SORCS3: variants seen among roughly 807,000 people sequenced by gnomAD.
SORCS3 encodes sortilin related VPS10 domain containing receptor 3, also known as VPS10 domain-containing receptor SorCS3.
SORCS3 carries 57 observed loss-of-function variants against 146.3 expected under a neutral mutation model. The observed-to-expected ratio is 0.39, with a 90% CI of 0.31 to 0.49. SORCS3 has a LOEUF of 0.49. SORCS3 is among the 20% of genes least tolerant of loss of function. The pLI is 0.92. For missense variants in SORCS3, 1,341 were observed against 1,575.5 expected (o/e 0.85, Z 2.52); for synonymous variants, 653 against 618.5 (o/e 1.06, Z -0.83).
intron 1 of SORCS3, among the ~76,000 whole-genome samples, chr10:104,712,255 T>G (rs1312240118): frequency 6.6e-6 from 1 of 152,190 alleles, no homozygotes; most frequent in African/African-American, 2.4e-5. Context: ...TTCCTTGACC[T>G]GCCTGTTGCC....
chr10:105,127,462 C>G (rs1589646369), intron 7 of SORCS3, among the ~76,000 whole-genome samples: 1 of 152,048 alleles, frequency 6.6e-6, no homozygotes, highest in East Asian at 1.9e-4. Context: ...CCAAGATGAC[C>G]TCAAGCAGCC....
rs370006550 is a variant in SORCS3 at position 104,877,153 on chromosome 10, G to A, written c.695+34294G>A. Among the ~76,000 whole-genome samples the A allele has an allele frequency of 1.1e-4, 16 of 152,168 alleles. No homozygotes were observed. In the East Asian group the frequency reaches 2.1e-3, roughly 20 times the overall value. On this transcript the variant is annotated intron_variant, in intron 2 of 26. Transcript: ENST00000369701. ...ACTGTGAGTCACAGCACCCAGCCAG[G>A]TCTTCCTCTTTTAATCACAACACCT...
rs574969718 is a variant in SORCS3 at position 104,923,935 on chromosome 10, A to G, written c.795+8003A>G. Among the ~76,000 whole-genome samples, 255 of 152,324 alleles carry G rather than the reference A, an allele frequency of 1.7e-3. 1 individual carries two copies. The highest frequency in any genetic ancestry group is 3.4e-3 in the Middle Eastern group (1 of 294). ...AGCTAGAGTTTTTTGAGAGTTTGCT[A>G]TGTGCTGAAAATTATCCTAAATGCT... is the stretch of plus-strand genomic sequence containing the variant. On this transcript the variant is annotated intron_variant, in intron 3 of 26. Coordinates refer to ENST00000369701, the MANE Select transcript of SORCS3 (RefSeq NM_014978.3).
At chr10:104,838,424 G>A (rs1477954560) in intron 1 of SORCS3, among the ~76,000 whole-genome samples, 1 of 151,904 alleles carries the variant, frequency 6.6e-6, no homozygotes, top group East Asian at 2.0e-4. Context: ...GTCGGGGTGG[G>A]CAGGCTTTCT....
Position 105,064,597 on chromosome 10 carries a change from G to A in SORCS3, c.1028+21469G>A, listed in dbSNP as rs113311194. 1.7e-3 allele frequency among the ~76,000 whole-genome samples: 256 copies of A among 151,058 alleles called. 1 individual carries two copies. The highest frequency in any genetic ancestry group is 2.3e-3 in the Admixed American group (35 of 15,134). On this transcript the variant is annotated intron_variant, in intron 5 of 26. Transcript: ENST00000369701. ...AGGCCGAAGGCTTGAGAACCTGGGC[G>A]GGGGGTTGCTGGTTGAAGTCCAGGA...
intron 1 of SORCS3, among the ~76,000 whole-genome samples, chr10:104,810,125 G>A (rs1197240928): frequency 6.6e-6 from 1 of 152,160 alleles, no homozygotes; most frequent in Non-Finnish European, 1.5e-5. Flanking sequence ...GTCATCTAGA[G>A]ATGAAATAAA....
intron 2 of SORCS3, among the ~76,000 whole-genome samples, chr10:104,863,827 T>C (rs2018431803): frequency 6.6e-6 from 1 of 152,122 alleles, no homozygotes; most frequent in Admixed American, 6.5e-5. Flanking sequence ...GATGGAGAGA[T>C]GGATATTTTG....
intron 6 of SORCS3, among the ~76,000 whole-genome samples, chr10:105,096,690 T>C (rs2055748968): frequency 6.6e-6 from 1 of 152,130 alleles, no homozygotes; most frequent in South Asian, 2.1e-4. Flanking sequence ...GTTTCCACCA[T>C]CCAAAGGGAT....
intron 4 of SORCS3, among the ~76,000 whole-genome samples, chr10:105,026,854 G>C (rs547047359): frequency 6.6e-6 from 1 of 152,108 alleles, no homozygotes; most frequent in Admixed American, 6.6e-5. Flanking sequence ...GGGACCAAGG[G>C]GTGAAAAACC....
At position 104,714,383 on chromosome 10, in the gene SORCS3, T is replaced by C. The variant is rs187325085; in HGVS notation, c.627+72429T>C. The stretch of plus-strand genomic sequence containing the variant: ...TATAGCTTTCTTATTTTCTAACATA[T>C]GCACTTAATGCTATATTTTTCCTGT... On this transcript the variant is annotated intron_variant, in intron 1 of 26. Coordinates refer to ENST00000369701, the MANE Select transcript of SORCS3 (RefSeq NM_014978.3). 1.3e-3 allele frequency among the ~76,000 whole-genome samples: 192 copies of C among 152,292 alleles called. 2 individuals carry two copies. Among genetic ancestry groups the C allele is most frequent in the Non-Finnish European group, 1.7e-3 (117 of 68,014 alleles).
chr10:104,650,642 C>T (rs930624857), intron 1 of SORCS3, among the ~76,000 whole-genome samples: 2 of 152,220 alleles, frequency 1.3e-5, no homozygotes, highest in East Asian at 3.8e-4. Flanking sequence ...CTTCCTTGCT[C>T]TCTTGTATCT....
chr10:104,772,094 C>T (rs560589631), intron 1 of SORCS3, among the ~76,000 whole-genome samples: 3 of 152,170 alleles, frequency 2.0e-5, no homozygotes, highest in South Asian at 2.1e-4. Flanking sequence ...CCAGGATGGG[C>T]GTCTTGGGTG....
chr10:105,254,901 A>T (rs1401756158), intron 23 of SORCS3, among the ~76,000 whole-genome samples: 1 of 152,166 alleles, frequency 6.6e-6, no homozygotes, highest in Admixed American at 6.5e-5. Flanking sequence ...ATAGAAGTGG[A>T]TCTGCGGCCA....
At position 104,854,098 on chromosome 10, in the gene SORCS3, G is replaced by A. The variant is rs922595662; in HGVS notation, c.695+11239G>A. ...TAGCTTTTAACTCCCAGTTTAGTTC[G>A]TGAACATTGTCTCAGCCCTGGACAC... On this transcript the variant is annotated intron_variant, in intron 2 of 26. Transcript: ENST00000369701. 5.9e-5 allele frequency among the ~76,000 whole-genome samples: 9 copies of A among 152,270 alleles called. No individual in the cohort carries two copies. The East Asian group carries it at 9.6e-4, about 16-fold the overall frequency.
intron 1 of SORCS3, among the ~76,000 whole-genome samples, chr10:104,729,887 T>C (rs1178087681): frequency 2.0e-5 from 3 of 152,222 alleles, no homozygotes; most frequent in Non-Finnish European, 4.4e-5. Context: ...CAACAGACTA[T>C]GTGTAGCTTG....
intron 1 of SORCS3, among the ~76,000 whole-genome samples, chr10:104,809,100 A>G (rs761255078): frequency 4.6e-5 from 7 of 152,254 alleles, no homozygotes; most frequent in Non-Finnish European, 8.8e-5. Flanking sequence ...GAGGTAGAAC[A>G]TGGGTTCAGT....
At position 104,882,978 on chromosome 10, in the gene SORCS3, A is replaced by G. The variant is rs115195093; in HGVS notation, c.696-32855A>G. Among the ~76,000 whole-genome samples, 1,224 of 152,344 alleles carry G rather than the reference A, an allele frequency of 8.0e-3. 15 individuals carry two copies. The highest frequency in any genetic ancestry group is 0.028 in the African/African-American group (1,161 of 41,590). On this transcript the variant is annotated intron_variant, in intron 2 of 26. Coordinates refer to ENST00000369701, the MANE Select transcript of SORCS3 (RefSeq NM_014978.3). Reference sequence around the variant, plus strand: ...TTCTGCTTTCCAGGAGACTAACATTATGGAATCACAGGGAGGAAGGACACA... The same window carrying G: ...TTCTGCTTTCCAGGAGACTAACATTGTGGAATCACAGGGAGGAAGGACACA...
At chr10:104,770,688 C>T (rs1017363109) in intron 1 of SORCS3, among the ~76,000 whole-genome samples, 1 of 151,546 alleles carries the variant, frequency 6.6e-6, no homozygotes, top group Non-Finnish European at 1.5e-5. Context: ...TATACATAGG[C>T]TGGGTGTGGT....
intron 16 of SORCS3, among the ~76,000 whole-genome samples, chr10:105,210,071 A>T (rs754723899): frequency 5.3e-5 from 8 of 152,064 alleles, no homozygotes; most frequent in Non-Finnish European, 8.8e-5. Context: ...TGTGGAATTA[A>T]ATTTAAATTT....
Sources: gnomAD v4.1 joint callset for allele counts (sites outside exome capture counted in the v4.1 genomes callset) on GRCh38, gnomAD v4.1.1 for gene constraint, MANE v1.5 for transcripts, NCBI Gene and HGNC (gene_info 2026-07-23, HGNC 2026-07-21) for gene names.